RTN4IP1: variants seen among roughly 807,000 people sequenced by gnomAD.
RTN4IP1 encodes the protein NAD(P)H oxidoreductase RTN4IP1, mitochondrial.
A neutral mutation model predicts 46.6 loss-of-function variants in RTN4IP1; 32 were observed. That is an observed-to-expected ratio of 0.69 (90% CI 0.52 to 0.92). The LOEUF (loss-of-function observed/expected upper bound fraction) is 0.92. RTN4IP1 is among the 40% of genes least tolerant of loss of function. The probability of loss-of-function intolerance (pLI) is 0.00; values close to 1 mark genes in which losing one functional copy is unlikely to be tolerated. For missense variants in RTN4IP1, 424 were observed against 485.8 expected, an observed-to-expected ratio of 0.87 and a Z score of 1.20; for synonymous variants, 167 against 161.8, an observed-to-expected ratio of 1.03 and a Z score of -0.24.
chr6:106,624,068 T>C (rs1257933766), intron 1 of RTN4IP1, among the ~76,000 whole-genome samples: 1 of 152,212 alleles, frequency 6.6e-6, no homozygotes, highest in Admixed American at 6.5e-5. Flanking sequence ...TTTTTATTTA[T>C]TTTTTTGAGA....
chr6:106,604,894 A>AG (rs1776025438), intron 4 of RTN4IP1, among the ~76,000 whole-genome samples: 1 of 151,942 alleles, frequency 6.6e-6, no homozygotes, highest in Non-Finnish European at 1.5e-5. Context: ...TGCCACCAAC[A>AG]CTGACAGTGA....
At chr6:106,599,470 AG>A in intron 5 of RTN4IP1, among the ~76,000 whole-genome samples, 1 of 150,376 alleles carries the variant, frequency 6.6e-6, no homozygotes, top group East Asian at 1.9e-4. Flanking sequence ...TTTTTTAAGA[AG>A]TTTTACTAAG....
chr6:106,629,425 G>A lies in RTN4IP1; in HGVS notation c.-404C>T. Reference sequence around the variant, plus strand: ...TCCAACGCCAGAGAATCGAACGCTTGCCGACTGCCGCCGCGACCCTGGCCC... The same window carrying A: ...TCCAACGCCAGAGAATCGAACGCTTACCGACTGCCGCCGCGACCCTGGCCC... On this transcript the variant is annotated 5_prime_UTR_variant, in exon 1 of 9. Transcript: ENST00000369063. 1.7e-6 allele frequency: 1 copy of A among 585,774 alleles called. No individual in the cohort carries two copies. Among genetic ancestry groups the A allele is most frequent in the Non-Finnish European group, 3.0e-6 (1 of 332,724 alleles). The allele number at this position is 585,774 out of a possible 1,614,324, so 36.3% of individuals were successfully genotyped here.
rs533612905 is a variant in RTN4IP1, at chr6:106,589,327, A to G, written c.807-1465T>C. Among the ~76,000 whole-genome samples, 114 of 147,108 alleles carry G rather than the reference A, an allele frequency of 7.7e-4. 1 individual carries two copies. Among genetic ancestry groups the G allele is most frequent in the Admixed American group, 2.2e-3 (32 of 14,564 alleles). On this transcript the variant is annotated intron_variant, in intron 6 of 8. Transcript: ENST00000369063. ...AGGAGGAGGAGGAGGAAGAGGAAGA[A>G]GAGGAAGAGGAAGAAGAAGAAGAAA...
chr6:106,583,326 A>G lies in RTN4IP1; in HGVS notation c.1083+2T>C, dbSNP rs771414313. 2.9e-5 allele frequency: 47 copies of G among 1,612,500 alleles called. No homozygotes were observed. The highest frequency in any genetic ancestry group is 3.9e-5 in the Non-Finnish European group (46 of 1,178,842). ...CCAATCCAGGTTTCCAGGTGCACGT[A>G]CCTTTCCCGCATCCACCAGTTCTGC... is the stretch of plus-strand genomic sequence containing the variant. On this transcript the variant is annotated splice_donor_variant, in intron 8 of 8. Coordinates refer to ENST00000369063, the MANE Select transcript of RTN4IP1 (RefSeq NM_032730.5). LOFTEE classifies it high-confidence loss of function.
At chr6:106,595,909 TTTTC>T (rs1330663402) in intron 5 of RTN4IP1, among the ~76,000 whole-genome samples, 8 of 152,174 alleles carry the variant, frequency 5.3e-5, no homozygotes, top group African/African-American at 9.7e-5. Context: ...GCTTAACTGT[TTTTC>T]TTTATCAGTT....
rs1364933978 is a variant in RTN4IP1, at chr6:106,592,311, C to A, written c.670-11G>T. On this transcript the variant is annotated splice_polypyrimidine_tract_variant and intron_variant, in intron 5 of 8. Coordinates refer to ENST00000369063, the MANE Select transcript of RTN4IP1 (RefSeq NM_032730.5). Reference sequence around the variant, plus strand: ...CCATGCTTTCATTACCTGCCCCCCACCAAAAAGAAAAAAAGAATAAAAAAG... The same window carrying A: ...CCATGCTTTCATTACCTGCCCCCCAACAAAAAGAAAAAAAGAATAAAAAAG... 7 of 1,597,068 alleles carry A rather than the reference C, an allele frequency of 4.4e-6. No individual in the cohort carries two copies. The highest frequency in any genetic ancestry group is 3.6e-5 in the Admixed American group (2 of 54,846).
rs1775052961 is a variant in RTN4IP1, at chr6:106,571,321, A to C, written c.*675T>G. 6.6e-6 allele frequency: 1 copy of C among 152,288 alleles called. No individual in the cohort carries two copies. Among genetic ancestry groups the C allele is most frequent in the African/African-American group, 2.4e-5 (1 of 41,474 alleles). 9.4% of individuals were successfully genotyped at this position (152,288 alleles called of 1,614,324 possible). On this transcript the variant is annotated 3_prime_UTR_variant, in exon 9 of 9. Transcript: ENST00000369063. ...AACCTTGGCAGTTAGAAAGCTGCTCAGTGATGAATTCAAGAAGGAACCAGC... is the reference window on the plus strand; with the variant it reads ...AACCTTGGCAGTTAGAAAGCTGCTCCGTGATGAATTCAAGAAGGAACCAGC...
chr6:106,595,974 G>C (rs1775780768), intron 5 of RTN4IP1, among the ~76,000 whole-genome samples: 1 of 151,928 alleles, frequency 6.6e-6, no homozygotes. Context: ...GACCTCTTTT[G>C]AAAAAAGTAT....
chr6:106,592,356 ACTGC>A, intron 5 of RTN4IP1, 56 bp from the exon 6 acceptor site: 1 of 1,562,056 alleles, frequency 6.4e-7, no homozygotes, highest in South Asian at 1.2e-5. Context: ...AGAAAAACTG[ACTGC>A]ATTGAAAAAA....
In RTN4IP1 at chr6:106,629,449, C is replaced by A. The variant is rs1776754189; in HGVS notation, c.-428G>T. 1.6e-6 allele frequency: 1 copy of A among 609,784 alleles called. No individual in the cohort carries two copies. The highest frequency in any genetic ancestry group is 2.1e-5 in the South Asian group (1 of 48,124). 37.8% of individuals were successfully genotyped at this position (609,784 alleles called of 1,614,324 possible). A position where few individuals can be genotyped will look rare whatever the true frequency, so the allele number is the denominator to read the frequency against. ...TGCCGACTGCCGCCGCGACCCTGGC[C>A]CGGAATCTCCTTGCCTGCCCGCTCT... On this transcript the variant is annotated 5_prime_UTR_variant, in exon 1 of 9. Coordinates refer to ENST00000369063, the MANE Select transcript of RTN4IP1 (RefSeq NM_032730.5).
intron 8 of RTN4IP1, among the ~76,000 whole-genome samples, chr6:106,582,809 A>C (rs1361612124): frequency 6.6e-6 from 1 of 152,158 alleles, no homozygotes; most frequent in East Asian, 1.9e-4. Flanking sequence ...CCTTTCCCAC[A>C]GAGTCCACGG....
chr6:106,599,054 A>G (rs1002453114), intron 5 of RTN4IP1, among the ~76,000 whole-genome samples: 11 of 151,124 alleles, frequency 7.3e-5, no homozygotes, highest in Non-Finnish European at 1.5e-4. Flanking sequence ...CACATCTTGT[A>G]TTATATTTTT....
chr6:106,571,070 C>A lies in RTN4IP1; in HGVS notation c.*926G>T, dbSNP rs1367044447. ...AGCTTTGGGCTCCATTGGAAGGCTG[C>A]AATTTCCATGGAAAAGCCCTCAGAG... On this transcript the variant is annotated 3_prime_UTR_variant, in exon 9 of 9. Transcript: ENST00000369063. 1 of 152,170 alleles carries A rather than the reference C, an allele frequency of 6.6e-6. No individual in the cohort carries two copies. The highest frequency in any genetic ancestry group is 1.9e-4 in the East Asian group (1 of 5,198). The allele number at this position is 152,170 out of a possible 1,614,324, so 9.4% of individuals were successfully genotyped here. A position where few individuals can be genotyped will look rare whatever the true frequency, so the allele number is the denominator to read the frequency against.
chr6:106,619,331 A>G lies in RTN4IP1; in HGVS notation c.496-5T>C, dbSNP rs1776426343. On this transcript the variant is annotated splice_region_variant and splice_polypyrimidine_tract_variant and intron_variant, in intron 3 of 8. Coordinates refer to ENST00000369063, the MANE Select transcript of RTN4IP1 (RefSeq NM_032730.5). ...TGATTTGGGTTTGTGAGAGACCTAC[A>G]TTTGAAGACAACAGTCAAAAATAAG... is the stretch of plus-strand genomic sequence containing the variant. 6.2e-7 allele frequency: 1 copy of G among 1,613,894 alleles called. No individual in the cohort carries two copies. Among genetic ancestry groups the G allele is most frequent in the South Asian group, 1.1e-5 (1 of 91,020 alleles).
chr6:106,572,172 AT>A (rs1170747158), intron 8 of RTN4IP1, 69 bp from the exon 9 acceptor site: 1 of 1,244,336 alleles, frequency 8.0e-7, no homozygotes, highest in Non-Finnish European at 1.2e-6. Context: ...GACATTGCTA[AT>A]TAGTTTCTTG....
At chr6:106,609,572 G>A (rs1776172369) in intron 4 of RTN4IP1, among the ~76,000 whole-genome samples, 1 of 152,060 alleles carries the variant, frequency 6.6e-6, no homozygotes, top group African/African-American at 2.4e-5. Flanking sequence ...CTACAATCAA[G>A]GCAACAACTG....
intron 4 of RTN4IP1, among the ~76,000 whole-genome samples, chr6:106,615,101 G>A (rs556013707): frequency 1.3e-5 from 2 of 151,820 alleles, no homozygotes; most frequent in African/African-American, 4.8e-5. Flanking sequence ...AAACAGCTGG[G>A]GTTTCTTTCT....
intron 5 of RTN4IP1, among the ~76,000 whole-genome samples, chr6:106,600,434 T>G (rs912864842): frequency 6.6e-6 from 1 of 152,158 alleles, no homozygotes; most frequent in Non-Finnish European, 1.5e-5. Context: ...TATATCACCA[T>G]TTTCACAATT....
Sources: gnomAD v4.1 joint callset for allele counts (sites outside exome capture counted in the v4.1 genomes callset) on GRCh38, gnomAD v4.1.1 for gene constraint, MANE v1.5 for transcripts, NCBI Gene and HGNC (gene_info 2026-07-23, HGNC 2026-07-21) for gene names.